The following RAVER2 variants were observed in gnomAD, a reference collection of about 807,000 sequenced individuals.
RAVER2 encodes the protein ribonucleoprotein, PTB binding 2.
RAVER2 carries 46 observed loss-of-function variants against 78.1 expected under a neutral mutation model. The ratio of observed to expected loss-of-function variants is 0.59; its 90% CI spans 0.46 to 0.75. The LOEUF is 0.75. Ranked by LOEUF, RAVER2 falls within the 30% of genes least tolerant of loss-of-function variation. RAVER2 has a pLI of 0.00. For synonymous variants in RAVER2, 311 were observed against 313.3 expected, an observed-to-expected ratio of 0.99 and a Z score of 0.08; for missense variants, 793 against 837.5, an observed-to-expected ratio of 0.95 and a Z score of 0.66.
intron 1 of RAVER2, among the ~76,000 whole-genome samples, chr1:64,756,599 C>T (rs1012261338): frequency 1.3e-5 from 2 of 152,126 alleles, no homozygotes; most frequent in African/African-American, 4.8e-5. Context: ...TATCCCTTAC[C>T]CAGTTTCCCC....
chr1:64,777,573 G>A, intron 2 of RAVER2, 50 bp from the exon 3 acceptor site: 1 of 1,438,796 alleles, frequency 7.0e-7, no homozygotes, highest in Non-Finnish European at 9.5e-7. Context: ...ATTTCTTACT[G>A]TGTTTTCAAA....
At chr1:64,827,498 C>T (rs1232019241) in intron 11 of RAVER2, among the ~76,000 whole-genome samples, 1 of 152,154 alleles carries the variant, frequency 6.6e-6, no homozygotes, top group Non-Finnish European at 1.5e-5. Flanking sequence ...TGGTTTCAGC[C>T]AACCCTAAAA....
At chr1:64,783,090 A>G (rs1652678190) in intron 4 of RAVER2, among the ~76,000 whole-genome samples, 1 of 152,144 alleles carries the variant, frequency 6.6e-6, no homozygotes, top group African/African-American at 2.4e-5. Flanking sequence ...GTAGTATTCC[A>G]TGGTGTATAT....
In RAVER2 at chr1:64,779,801, C is replaced by T. The variant is rs914931946; in HGVS notation, c.787-1579C>T. Among the ~76,000 whole-genome samples, 5 of 150,382 alleles carry T rather than the reference C, an allele frequency of 3.3e-5. No homozygotes were observed. The South Asian group carries it at 6.4e-4, about 19-fold the overall frequency. The stretch of plus-strand genomic sequence containing the variant: ...GTGAACCCCCCCGAGTTGGAAGAGC[C>T]CTTAGAGATTATCTAGTATAGCTTT... On this transcript the variant is annotated intron_variant, in intron 3 of 11. Transcript: ENST00000294428.
chr1:64,831,851 CTCAT>C (rs2100910803), exon 12 of RAVER2: 1 of 152,262 alleles, frequency 6.6e-6, no homozygotes, highest in Non-Finnish European at 1.5e-5. Flanking sequence ...CGTTGCCATG[CTCAT>C]TCATTTACGT....
chr1:64,784,979 T>C (rs1425361557), intron 4 of RAVER2, among the ~76,000 whole-genome samples: 1 of 152,172 alleles, frequency 6.6e-6, no homozygotes, highest in Non-Finnish European at 1.5e-5. Context: ...TTTCCCCTTC[T>C]AATCCATCTT....
At chr1:64,795,163 T>C (rs943298942) in intron 5 of RAVER2, among the ~76,000 whole-genome samples, 5 of 152,172 alleles carry the variant, frequency 3.3e-5, no homozygotes, top group Non-Finnish European at 5.9e-5. Flanking sequence ...GACCTAAATG[T>C]CTGTCTTTTA....
In RAVER2 at chr1:64,797,718, T is replaced by C. The variant is rs114016012; in HGVS notation, c.1106-5258T>C. Among the ~76,000 whole-genome samples the C allele has an allele frequency of 3.5e-3, 538 of 152,266 alleles. 6 individuals carry two copies. Among genetic ancestry groups the C allele is most frequent in the Middle Eastern group, 0.017 (5 of 294 alleles). On this transcript the variant is annotated intron_variant, in intron 5 of 11. Transcript: ENST00000294428. Reference sequence around the variant, plus strand: ...TCTTTTGATCTGGATTTTTTTGATATTAAAGTAGCCACCAGCTTTTAAAAA... The same window carrying C: ...TCTTTTGATCTGGATTTTTTTGATACTAAAGTAGCCACCAGCTTTTAAAAA...
chr1:64,752,031 CA>C (rs1651712778), intron 1 of RAVER2, among the ~76,000 whole-genome samples: 2 of 152,162 alleles, frequency 1.3e-5, no homozygotes, highest in South Asian at 4.1e-4. Context: ...TTTGGCTATA[CA>C]GTACTGTATA....
At chr1:64,806,711 C>T (rs1653427293) in intron 8 of RAVER2, among the ~76,000 whole-genome samples, 1 of 152,180 alleles carries the variant, frequency 6.6e-6, no homozygotes, top group Non-Finnish European at 1.5e-5. Flanking sequence ...TAATAGCTCT[C>T]ATGAGCTGAT....
chr1:64,788,791 C>CAA (rs35159558), intron 4 of RAVER2, among the ~76,000 whole-genome samples: 2,932 of 109,834 alleles, frequency 0.027, 143 homozygotes, highest in African/African-American at 0.089. Flanking sequence ...GACTCCGTCT[C>CAA]AAAAAAAAAA....
chr1:64,804,279 C>G (rs1435558726), intron 6 of RAVER2, among the ~76,000 whole-genome samples: 2 of 152,088 alleles, frequency 1.3e-5, no homozygotes, highest in Non-Finnish European at 2.9e-5. Flanking sequence ...TGTATTTTTC[C>G]TTCATGTGAT....
exon 3 of RAVER2, chr1:64,777,737 T>C: frequency 6.2e-7 from 1 of 1,614,022 alleles, no homozygotes; most frequent in Non-Finnish European, 8.5e-7. Flanking sequence ...GATGCTTTGT[T>C]GTGTATTACC....
At chr1:64,830,771 T>G (rs1327669109) in intron 11 of RAVER2, 68 bp from the exon 12 acceptor site, 2 of 1,385,304 alleles carry the variant, frequency 1.4e-6, no homozygotes, top group African/African-American at 2.9e-5. Flanking sequence ...ATGCTTTTCT[T>G]ATAAATATCT....
intron 11 of RAVER2, among the ~76,000 whole-genome samples, chr1:64,828,158 C>T (rs1654042497): frequency 1.0e-5 from 1 of 95,722 alleles, no homozygotes; most frequent in African/African-American, 3.6e-5. Context: ...TTCAAACCCA[C>T]CCCCCCCACC....
chr1:64,830,234 TG>T (rs141513649), intron 11 of RAVER2, among the ~76,000 whole-genome samples: 2,400 of 152,346 alleles, frequency 0.016, 29 homozygotes, highest in Middle Eastern at 0.031. Context: ...TGAGGACATG[TG>T]GCCCACTTTC....
At chr1:64,765,390 A>G (rs1652147915) in intron 1 of RAVER2, among the ~76,000 whole-genome samples, 1 of 152,234 alleles carries the variant, frequency 6.6e-6, no homozygotes, top group Non-Finnish European at 1.5e-5. Context: ...GGATACATAA[A>G]TTATACTATA....
intron 4 of RAVER2, among the ~76,000 whole-genome samples, chr1:64,788,400 A>G (rs1181355425): frequency 6.6e-6 from 1 of 151,988 alleles, no homozygotes; most frequent in African/African-American, 2.4e-5. Flanking sequence ...TGAACCCAGG[A>G]GGCAAAGCTT....
At chr1:64,755,907 A>G (rs1201413477) in intron 1 of RAVER2, among the ~76,000 whole-genome samples, 1 of 151,860 alleles carries the variant, frequency 6.6e-6, no homozygotes, top group Admixed American at 6.6e-5. Flanking sequence ...TGCTGACCCA[A>G]TGCCCAACCA....
Sources: allele counts gnomAD v4.1 joint callset (sites outside exome capture counted in the v4.1 genomes callset), GRCh38; gene constraint gnomAD v4.1.1; transcripts MANE v1.5; gene names NCBI Gene and HGNC (gene_info 2026-07-23, HGNC 2026-07-21).